NTM: variants seen among roughly 807,000 people sequenced by gnomAD.
NTM encodes neurotrimin, also known as IgLON family member 2.
Under a neutral mutation model 42.1 loss-of-function variants are expected in NTM, and 13 were observed. The observed-to-expected ratio is 0.31, with a 90% CI of 0.20 to 0.49. The LOEUF (loss-of-function observed/expected upper bound fraction) is 0.49, where lower values mean the gene tolerates loss of function less well. NTM is among the 20% of genes least tolerant of loss of function. The pLI is 0.99. For missense variants in NTM, 373 were observed against 452.8 expected, an observed-to-expected ratio of 0.82 and a Z score of 1.60; for synonymous variants, 187 against 179.2, an observed-to-expected ratio of 1.04 and a Z score of -0.35.
At chr11:131,576,859 T>C (rs2137139122) in intron 1 of NTM, among the ~76,000 whole-genome samples, 1 of 152,324 alleles carries the variant, frequency 6.6e-6, no homozygotes, top group East Asian at 1.9e-4. Flanking sequence ...AACTTCTTAA[T>C]TTTTTTCCAC....
chr11:131,954,908 A>G (rs559700805), intron 2 of NTM, among the ~76,000 whole-genome samples: 60 of 152,318 alleles, frequency 3.9e-4, no homozygotes, highest in Admixed American at 1.6e-3. Context: ...TTTTATTGCT[A>G]CACAATATTC....
intron 2 of NTM, among the ~76,000 whole-genome samples, chr11:131,998,988 T>C (rs1264004302): frequency 6.6e-6 from 1 of 152,174 alleles, no homozygotes; most frequent in Non-Finnish European, 1.5e-5. Flanking sequence ...GAAGCAGACA[T>C]TGTTTTCTCT....
chr11:131,382,715 G>A (rs921050804), intron 1 of NTM, among the ~76,000 whole-genome samples: 2 of 152,114 alleles, frequency 1.3e-5, no homozygotes, highest in Non-Finnish European at 2.9e-5. Context: ...TCATCGCATG[G>A]CACAGTTTCT....
At chr11:131,390,760 G>C (rs1307374633) in intron 1 of NTM, among the ~76,000 whole-genome samples, 2 of 152,160 alleles carry the variant, frequency 1.3e-5, no homozygotes, top group Admixed American at 1.3e-4. Context: ...CCTGGCACTT[G>C]TTAGCAATAT....
chr11:131,826,853 A>G (rs1255902969), intron 1 of NTM, among the ~76,000 whole-genome samples: 1 of 152,034 alleles, frequency 6.6e-6, no homozygotes, highest in African/African-American at 2.4e-5. Context: ...TTCTTCCTGT[A>G]GGAGTAGCGT....
At chr11:131,389,945 A>G (rs1205561301) in intron 1 of NTM, among the ~76,000 whole-genome samples, 1 of 152,186 alleles carries the variant, frequency 6.6e-6, no homozygotes. Context: ...ACTGGTTTGG[A>G]GTTCCAGATG....
chr11:131,794,443 T>C, intron 1 of NTM: 3 of 981,514 alleles, frequency 3.1e-6, no homozygotes, highest in Non-Finnish European at 3.6e-6. Context: ...GCGAATGCTG[T>C]CACATGAGGC....
chr11:131,721,996 CAAAAAA>C (rs71475771), intron 1 of NTM, among the ~76,000 whole-genome samples: 16 of 10,284 alleles, frequency 1.6e-3, no homozygotes, highest in Admixed American at 3.4e-3. Flanking sequence ...AACTCTGTCT[CAAAAAA>C]AAAAAAAAAA....
intron 1 of NTM, among the ~76,000 whole-genome samples, chr11:131,674,584 C>T (rs2071028946): frequency 6.6e-6 from 1 of 152,218 alleles, no homozygotes; most frequent in South Asian, 2.1e-4. Context: ...TGCTTCATTT[C>T]ATTTGAAGTC....
At chr11:132,217,512 A>T (rs2084151050) in intron 4 of NTM, among the ~76,000 whole-genome samples, 1 of 151,758 alleles carries the variant, frequency 6.6e-6, no homozygotes, top group Non-Finnish European at 1.5e-5. Flanking sequence ...ATCAAAAGAG[A>T]TCTTCCCTAG....
intron 1 of NTM, among the ~76,000 whole-genome samples, chr11:131,511,802 A>G (rs2136465580): frequency 6.6e-6 from 1 of 152,308 alleles, no homozygotes; most frequent in South Asian, 2.1e-4. Flanking sequence ...CAGCTCTTAC[A>G]GCACAAATGG....
At chr11:131,674,796 T>C (rs1166996620) in intron 1 of NTM, among the ~76,000 whole-genome samples, 1 of 152,184 alleles carries the variant, frequency 6.6e-6, no homozygotes, top group African/African-American at 2.4e-5. Flanking sequence ...CCCCGCGGGA[T>C]ATAGGTTATC....
chr11:132,269,024 C>T (rs1316997998), intron 4 of NTM, among the ~76,000 whole-genome samples: 1 of 151,876 alleles, frequency 6.6e-6, no homozygotes, highest in Non-Finnish European at 1.5e-5. Context: ...CATTCCAAAG[C>T]AAGAGGGGAG....
chr11:131,952,050 C>CT (rs1457544188), intron 2 of NTM, among the ~76,000 whole-genome samples: 3 of 151,960 alleles, frequency 2.0e-5, no homozygotes. Flanking sequence ...TTTTATCACA[C>CT]TTTTTTTTCC....
At chr11:132,087,240 G>A (rs2059837321) in intron 2 of NTM, among the ~76,000 whole-genome samples, 1 of 152,142 alleles carries the variant, frequency 6.6e-6, no homozygotes, top group South Asian at 2.1e-4. Context: ...CTAGAGGGTA[G>A]GATTATCCAC....
chr11:132,335,129 C>T lies in NTM; in HGVS notation c.1051C>T (p.Leu351=), dbSNP rs971571948. 2.5e-6 allele frequency: 4 copies of T among 1,612,522 alleles called. No individual in the cohort carries two copies. The highest frequency in any genetic ancestry group is 1.3e-5 in the African/African-American group (1 of 74,866). ...VWLLPLLVLH[L]LLKF ...GCTGCTGCCTCTTCTGGTCTTGCAC[C>T]TGCTTCTCAAATTTTGATGTGAGTG... Residue 351 remains leucine, a synonymous_variant, in exon 9 of 9, where the codon CTG becomes TTG. Transcript: ENST00000683400.
chr11:131,928,048 T>A (rs1223983184), intron 2 of NTM, among the ~76,000 whole-genome samples: 2 of 152,252 alleles, frequency 1.3e-5, no homozygotes, highest in East Asian at 3.9e-4. Context: ...GTTTTTTTTT[T>A]AATCTGTGAA....
intron 2 of NTM, among the ~76,000 whole-genome samples, chr11:131,927,539 T>TATAG (rs2058098062): frequency 6.6e-6 from 1 of 152,234 alleles, no homozygotes. Context: ...CTAAGGCCTA[T>TATAG]GGTCACCTTC....
At chr11:131,647,396 A>G (rs935087591) in intron 1 of NTM, among the ~76,000 whole-genome samples, 3 of 152,200 alleles carry the variant, frequency 2.0e-5, no homozygotes, top group African/African-American at 7.2e-5. Context: ...TGGCTTCGCA[A>G]TGGGCAGCCC....
Sources: allele counts gnomAD v4.1 joint callset (sites outside exome capture counted in the v4.1 genomes callset), GRCh38; gene constraint gnomAD v4.1.1; transcripts MANE v1.5; gene names NCBI Gene and HGNC (gene_info 2026-07-23, HGNC 2026-07-21).